The following TTC12 variants were observed in gnomAD, a reference collection of about 807,000 sequenced individuals.
TTC12 encodes the protein tetratricopeptide repeat domain 12, also known as tetratricopeptide repeat protein 12.
TTC12 carries 70 observed loss-of-function variants against 90.1 expected under a neutral mutation model. That is an observed-to-expected ratio of 0.78 (90% CI 0.64 to 0.95). The LOEUF is 0.95. Ranked by LOEUF, TTC12 falls within the 40% of genes least tolerant of loss-of-function variation. The pLI is 0.00. For synonymous variants in TTC12, 296 were observed against 311.5 expected (o/e 0.95, Z 0.53); for missense variants, 819 against 846.1 (o/e 0.97, Z 0.40).
exon 22 of TTC12, chr11:113,373,195 T>C: frequency 1.0e-6 from 1 of 985,374 alleles, no homozygotes; most frequent in African/African-American, 1.7e-5. Flanking sequence ...ACCACCCCAC[T>C]CCACATGCAA....
downstream of TTC12, among the ~76,000 whole-genome samples, chr11:113,370,967 C>T (rs1266238575): frequency 6.6e-6 from 1 of 152,058 alleles, no homozygotes; most frequent in East Asian, 1.9e-4. Flanking sequence ...CACATACACA[C>T]ACCCCCACAC....
At chr11:113,336,924 A>G (rs1182507338) in intron 8 of TTC12, among the ~76,000 whole-genome samples, 1 of 152,232 alleles carries the variant, frequency 6.6e-6, no homozygotes, top group East Asian at 1.9e-4. Context: ...ATGAATTCAT[A>G]AATCAATTTG....
intron 6 of TTC12, among the ~76,000 whole-genome samples, chr11:113,328,865 T>C (rs147558706): frequency 5.3e-5 from 8 of 152,372 alleles, no homozygotes; most frequent in African/African-American, 9.6e-5. Context: ...GGACATTTTA[T>C]ATAAATGAAA....
intron 11 of TTC12, 149 bp from the exon 12 acceptor site, chr11:113,341,688 T>C: frequency 1.5e-6 from 1 of 661,498 alleles, no homozygotes; most frequent in Non-Finnish European, 2.7e-6. Context: ...GTTCCGTGAT[T>C]GATCCTGGTG....
chr11:113,350,840 G>C (rs549766250), intron 14 of TTC12, among the ~76,000 whole-genome samples: 3 of 152,348 alleles, frequency 2.0e-5, no homozygotes, highest in African/African-American at 7.2e-5. Flanking sequence ...ATAGAGTGTG[G>C]AGATGCGCAT....
chr11:113,362,358 T>G (rs1425893045), intron 18 of TTC12, 43 bp from the exon 19 acceptor site: 2 of 1,469,998 alleles, frequency 1.4e-6, no homozygotes, highest in African/African-American at 1.4e-5. Flanking sequence ...TTGTCAGCAT[T>G]TCTGAAAAGG....
intron 6 of TTC12, among the ~76,000 whole-genome samples, chr11:113,329,082 C>T (rs1947868132): frequency 6.6e-6 from 1 of 152,198 alleles, no homozygotes; most frequent in Non-Finnish European, 1.5e-5. Context: ...AATAATTCTG[C>T]TATGAACATT....
chr11:113,338,953 C>G, intron 9 of TTC12, 119 bp downstream of exon 9: 6 of 880,722 alleles, frequency 6.8e-6, no homozygotes, highest in Non-Finnish European at 1.1e-5. Context: ...ATCCTCTTTC[C>G]TGCACAGTTG....
At chr11:113,331,721 C>T (rs1362508194) in intron 7 of TTC12, among the ~76,000 whole-genome samples, 1 of 152,172 alleles carries the variant, frequency 6.6e-6, no homozygotes, top group African/African-American at 2.4e-5. Context: ...TGGCCTGTTC[C>T]CAAATGTTAA....
At chr11:113,327,109 T>A (rs1555141305) in intron 6 of TTC12, among the ~76,000 whole-genome samples, 1 of 152,252 alleles carries the variant, frequency 6.6e-6, no homozygotes, top group Non-Finnish European at 1.5e-5. Context: ...AAAAGTTATA[T>A]AATTTCAGAC....
At chr11:113,330,641 C>G (rs1948002940) in intron 7 of TTC12, among the ~76,000 whole-genome samples, 1 of 152,186 alleles carries the variant, frequency 6.6e-6, no homozygotes, top group Non-Finnish European at 1.5e-5. Flanking sequence ...CTAAAGTACT[C>G]TGTCACGGGG....
In TTC12 at chr11:113,364,938, T is replaced by G. The variant is rs1171033678; in HGVS notation, c.1920T>G (p.Ser640=). Residue 640 remains serine, a synonymous_variant, in exon 21 of 22, where the codon TCT becomes TCG. Transcript: ENST00000529221. Reference sequence around the variant, plus strand: ...GCATGGAGGTGCCCAACGTTGCGTCTTCCCTGCTAAAGACGGACCTTTTGC... The same window carrying G: ...GCATGGAGGTGCCCAACGTTGCGTCGTCCCTGCTAAAGACGGACCTTTTGC... The part of the protein sequence containing the change: ...GNCMEVPNVA[S]SLLKTDLLQV... 6.2e-7 allele frequency: 1 copy of G among 1,614,198 alleles called. No individual in the cohort carries two copies. Among genetic ancestry groups the G allele is most frequent in the East Asian group, 2.2e-5 (1 of 44,872 alleles).
intron 13 of TTC12, among the ~76,000 whole-genome samples, chr11:113,348,732 C>G (rs923279067): frequency 2.0e-5 from 3 of 152,364 alleles, no homozygotes; most frequent in African/African-American, 7.2e-5. Flanking sequence ...TCCTCCCACT[C>G]AGAGTAACTG....
Position 113,359,397 on chromosome 11 carries a change from A to G in TTC12, c.1481A>G (p.Glu494Gly), listed in dbSNP as rs1555153784. Residue 494 changes from glutamate to glycine, a missense_variant, in exon 17 of 22, where the codon GAG (glutamate) becomes GGG (glycine). Coordinates refer to ENST00000529221, the MANE Select transcript of TTC12 (RefSeq NM_017868.4). Reference protein sequence around the residue: ...RCEEDVDLFREVIYTLLGLMM... With the variant: ...RCEEDVDLFRGVIYTLLGLMM... ...GAGGAGGATGTGGACCTGTTCAGAG[A>G]GGTTATCTACACACTCCTGGGACTC... 5 of 1,612,472 alleles carry G rather than the reference A, an allele frequency of 3.1e-6. No homozygotes were observed. The highest frequency in any genetic ancestry group is 2.2e-5 in the East Asian group (1 of 44,792).
At chr11:113,357,824 C>T (rs11825824) in intron 16 of TTC12, among the ~76,000 whole-genome samples, 2,016 of 152,282 alleles carry the variant, frequency 0.013, 53 homozygotes, top group African/African-American at 0.047. Context: ...AAGGTGATCC[C>T]GAACCTCTGG....
rs1326190690 is a variant in TTC12 at position 113,359,306 on chromosome 11, G to C, written c.1447-57G>C. The C allele has an allele frequency of 4.3e-6, 5 of 1,163,220 alleles. No individual in the cohort carries two copies. In the African/African-American group the frequency reaches 7.6e-5, roughly 18 times the overall value. The allele number at this position is 1,163,220 out of a possible 1,614,324, so 72.1% of individuals were successfully genotyped here. ...GAGACCCTTGTCCAAGGGAAAAGATGACCATAAAAAGCTGTAAGGCAAAAA... is the reference window on the plus strand; with the variant it reads ...GAGACCCTTGTCCAAGGGAAAAGATCACCATAAAAAGCTGTAAGGCAAAAA... On this transcript the variant is annotated intron_variant, in intron 16 of 21. Transcript: ENST00000529221.
chr11:113,328,463 C>G (rs1591535120), intron 6 of TTC12, among the ~76,000 whole-genome samples: 1 of 152,080 alleles, frequency 6.6e-6, no homozygotes, highest in Non-Finnish European at 1.5e-5. Context: ...AGATTTTCCC[C>G]AATTCTAGGG....
chr11:113,323,597 ATT>A (rs142060645), intron 3 of TTC12, 146 bp downstream of exon 3: 5 of 515,362 alleles, frequency 9.7e-6, no homozygotes, highest in Admixed American at 4.0e-5. Flanking sequence ...ATAAAATTTG[ATT>A]TTTTTTTTCC....
chr11:113,355,244 A>G (rs1216524327), intron 16 of TTC12, among the ~76,000 whole-genome samples: 1 of 152,046 alleles, frequency 6.6e-6, no homozygotes, highest in Admixed American at 6.6e-5. Flanking sequence ...GTTTATGTGC[A>G]TAGAGGTGTT....
Sources: gnomAD v4.1 joint callset for allele counts (sites outside exome capture counted in the v4.1 genomes callset) on GRCh38, gnomAD v4.1.1 for gene constraint, MANE v1.5 for transcripts, NCBI Gene and HGNC (gene_info 2026-07-23, HGNC 2026-07-21) for gene names.